Variants in DGKI observed in about 807,000 individuals in gnomAD.
DGKI encodes DAG kinase iota.
Under a neutral mutation model 147.5 loss-of-function variants are expected in DGKI, and 55 were observed. That is an observed-to-expected ratio of 0.37 (90% CI 0.30 to 0.47). The LOEUF (loss-of-function observed/expected upper bound fraction) is 0.47. DGKI is among the 20% of genes least tolerant of loss of function. The probability of loss-of-function intolerance (pLI) is 1.00; values close to 1 mark genes in which losing one functional copy is unlikely to be tolerated. For missense variants in DGKI, 1,007 were observed against 1,323.8 expected (o/e 0.76, Z 3.71); for synonymous variants, 469 against 477.1 (o/e 0.98, Z 0.22).
chr7:137,485,494 T>A, intron 22 of DGKI, 76 bp from the exon 23 acceptor site: 1 of 1,103,334 alleles, frequency 9.1e-7, no homozygotes, highest in East Asian at 2.5e-5. Context: ...CAATCTCAAC[T>A]GAACTCCCAA....
chr7:137,588,385 T>TAA, intron 12 of DGKI, among the ~76,000 whole-genome samples: 1 of 149,016 alleles, frequency 6.7e-6, no homozygotes, highest in African/African-American at 2.5e-5. Context: ...GCAATCAAAA[T>TAA]AAAGAGATAA....
In DGKI at chr7:137,846,910, C is replaced by T. The variant is rs564311171; in HGVS notation, c.-48G>A. The T allele has an allele frequency of 1.3e-4, 140 of 1,107,196 alleles. 2 individuals are homozygous for T. In the African/African-American group the frequency reaches 1.8e-3, roughly 14 times the overall value. The allele number at this position is 1,107,196 out of a possible 1,614,324, so 68.6% of individuals were successfully genotyped here. On this transcript the variant is annotated 5_prime_UTR_variant, in exon 1 of 33. Coordinates refer to ENST00000614521, the MANE Select transcript of DGKI (RefSeq NM_001321708.2). The surrounding 1 kb of genome is among the most constrained non-coding windows in gnomAD (Gnocchi z 4.0). ...CATTGTGGGAAACTCCGCTCACTCCCCCGCCCCGGCCAATCAGAGGCCGCC... is the reference window on the plus strand; with the variant it reads ...CATTGTGGGAAACTCCGCTCACTCCTCCGCCCCGGCCAATCAGAGGCCGCC...
intron 23 of DGKI, among the ~76,000 whole-genome samples, chr7:137,475,248 G>C (rs1815129875): frequency 1.3e-5 from 2 of 152,114 alleles, no homozygotes; most frequent in South Asian, 4.1e-4. Context: ...TTGTATGAGT[G>C]AACACAAAAC....
intron 1 of DGKI, among the ~76,000 whole-genome samples, chr7:137,778,662 AC>A (rs1333657058): frequency 6.6e-6 from 1 of 152,080 alleles, no homozygotes; most frequent in African/African-American, 2.4e-5. Context: ...TGGAGCAGAG[AC>A]CCCCATTAAA....
intron 12 of DGKI, among the ~76,000 whole-genome samples, chr7:137,588,779 A>T (rs941427295): frequency 1.3e-5 from 2 of 152,114 alleles, no homozygotes; most frequent in African/African-American, 4.8e-5. Context: ...CCAGGCCCAT[A>T]CCGATGCCTT....
chr7:137,680,319 C>T (rs929148051), intron 2 of DGKI, among the ~76,000 whole-genome samples: 1 of 152,126 alleles, frequency 6.6e-6, no homozygotes, highest in Non-Finnish European at 1.5e-5. Flanking sequence ...AACAAGTCTG[C>T]CATTTTGTTA....
At chr7:137,606,116 G>T (rs1820176492) in intron 10 of DGKI, among the ~76,000 whole-genome samples, 1 of 152,062 alleles carries the variant, frequency 6.6e-6, no homozygotes, top group Non-Finnish European at 1.5e-5. Flanking sequence ...AAAAATTAAA[G>T]AGTTTTAAAA....
intron 20 of DGKI, among the ~76,000 whole-genome samples, chr7:137,533,691 C>A (rs1817420239): frequency 1.3e-5 from 2 of 151,950 alleles, no homozygotes; most frequent in Admixed American, 6.6e-5. Context: ...TAAGTGATTA[C>A]TTTTTCAAAA....
At chr7:137,488,166 T>C (rs2128936706) in intron 21 of DGKI, among the ~76,000 whole-genome samples, 1 of 152,310 alleles carries the variant, frequency 6.6e-6, no homozygotes, top group Non-Finnish European at 1.5e-5. Flanking sequence ...AACTTCATCT[T>C]TTTGTCTGTC....
intron 28 of DGKI, among the ~76,000 whole-genome samples, chr7:137,429,997 G>A (rs1434206156): frequency 9.2e-5 from 10 of 108,638 alleles, no homozygotes; most frequent in Non-Finnish European, 1.5e-4. Flanking sequence ...TCAGTGTGGC[G>A]ATTCCTCAGG....
Position 137,591,233 on chromosome 7 carries a change from T to C in DGKI, c.1312-4023A>G, listed in dbSNP as rs572823131. ...GCCTCTCATCAATCAATTTGCTTTA[T>C]GAACCGGATAAATAGATTCTTTCTC... On this transcript the variant is annotated intron_variant, in intron 12 of 32. Transcript: ENST00000614521. 3.7e-4 allele frequency among the ~76,000 whole-genome samples: 57 copies of C among 152,378 alleles called. 1 individual carries two copies. The South Asian group carries it at 8.5e-3, about 23-fold the overall frequency.
chr7:137,512,647 G>A, intron 21 of DGKI, among the ~76,000 whole-genome samples: 1 of 152,106 alleles, frequency 6.6e-6, no homozygotes, highest in East Asian at 1.9e-4. Flanking sequence ...GGATCTACCT[G>A]CAATTGATTG....
intron 20 of DGKI, among the ~76,000 whole-genome samples, chr7:137,543,802 A>G (rs1817777875): frequency 6.6e-6 from 1 of 152,212 alleles, no homozygotes; most frequent in Admixed American, 6.5e-5. Context: ...GAAATTAGCA[A>G]ACACTAGTGT....
At chr7:137,560,156 C>T (rs749864906) in intron 19 of DGKI, among the ~76,000 whole-genome samples, 6 of 151,590 alleles carry the variant, frequency 4.0e-5, no homozygotes, top group African/African-American at 7.3e-5. Flanking sequence ...AAACATCATC[C>T]ATAATAAAAT....
At chr7:137,754,003 T>C (rs1795598037) in intron 1 of DGKI, among the ~76,000 whole-genome samples, 1 of 151,674 alleles carries the variant, frequency 6.6e-6, no homozygotes, top group African/African-American at 2.4e-5. Context: ...GAAGAAGAAG[T>C]AGTAGTTCCC....
chr7:137,839,926 T>A (rs754737206), intron 1 of DGKI, among the ~76,000 whole-genome samples: 9 of 152,182 alleles, frequency 5.9e-5, no homozygotes, highest in Non-Finnish European at 1.2e-4. Flanking sequence ...GAAAATGCTG[T>A]TTGCTTTATT....
chr7:137,749,980 A>G (rs1795448801), intron 1 of DGKI, among the ~76,000 whole-genome samples: 1 of 152,188 alleles, frequency 6.6e-6, no homozygotes, highest in South Asian at 2.1e-4. Flanking sequence ...GCAAAGACTG[A>G]GAAAGTGCAA....
intron 6 of DGKI, among the ~76,000 whole-genome samples, chr7:137,632,355 G>T (rs1178763510): frequency 1.3e-5 from 2 of 152,170 alleles, no homozygotes; most frequent in African/African-American, 4.8e-5. Flanking sequence ...AAGTCCCCAG[G>T]AGAAGAATCT....
At chr7:137,545,186 T>C (rs1026627737) in intron 20 of DGKI, among the ~76,000 whole-genome samples, 3 of 152,178 alleles carry the variant, frequency 2.0e-5, no homozygotes, top group Non-Finnish European at 2.9e-5. Context: ...CAAAGGTTGT[T>C]GGGAGAGCAA....
Sources: allele counts gnomAD v4.1 joint callset (sites outside exome capture counted in the v4.1 genomes callset), GRCh38; gene constraint gnomAD v4.1.1; non-coding constraint Gnocchi (gnomAD v3.1); transcripts MANE v1.5; gene names NCBI Gene and HGNC (gene_info 2026-07-23, HGNC 2026-07-21).